Variants in TRIP12 observed in about 807,000 individuals in gnomAD.
TRIP12 encodes the protein E3 ubiquitin-protein ligase TRIP12.
In TRIP12, 25 loss-of-function variants were observed where a neutral mutation model predicts 244.2. The observed-to-expected ratio is 0.10, with a 90% CI of 0.07 to 0.14. The LOEUF is 0.14. Ranked by LOEUF, TRIP12 falls within the 10% of genes least tolerant of loss-of-function variation. The pLI, the probability that TRIP12 is intolerant of heterozygous loss-of-function variation, is 1.00. For missense variants in TRIP12, 1,677 were observed against 2,486.4 expected (o/e 0.67, Z 6.92); for synonymous variants, 905 against 873.1 (o/e 1.04, Z -0.64).
chr2:229,889,518 C>T (rs2066836190), intron 1 of TRIP12, among the ~76,000 whole-genome samples: 1 of 152,178 alleles, frequency 6.6e-6, no homozygotes, highest in Non-Finnish European at 1.5e-5. Flanking sequence ...AAATGGTGCA[C>T]AGACCCAATT....
chr2:229,771,381 T>G, intron 39 of TRIP12, 138 bp downstream of exon 39: 1 of 624,150 alleles, frequency 1.6e-6, no homozygotes, highest in South Asian at 2.2e-5. Flanking sequence ...TTCCTTGTCT[T>G]TCCCAAACAT....
chr2:229,836,325 T>C (rs1180154059), intron 6 of TRIP12, among the ~76,000 whole-genome samples: 1 of 152,188 alleles, frequency 6.6e-6, no homozygotes, highest in African/African-American at 2.4e-5. Context: ...GTTGAAGTAT[T>C]AGCCTTGTTT....
At chr2:229,878,606 C>G (rs1481702682) in intron 2 of TRIP12, among the ~76,000 whole-genome samples, 1 of 150,458 alleles carries the variant, frequency 6.6e-6, no homozygotes, top group Non-Finnish European at 1.5e-5. Context: ...GAGACGGAGT[C>G]TCGCTCTGTC....
At position 229,813,939 on chromosome 2, in the gene TRIP12, A is replaced by G; in HGVS notation, c.1917T>C (p.Ser639=). The change falls in exon 13 of 42, where the codon AGT becomes AGC. Residue 639 remains serine, a synonymous_variant. Coordinates refer to ENST00000675903, the MANE Select transcript of TRIP12 (RefSeq NM_001348323.3). ...ALAIAANCCQ[S]ITPDEFHFVA... ...CAAAATGAAATTCATCTGGCGTGAT[A>G]CTCTGGCAGCAATTAGCTGCAATTG... is the stretch of plus-strand genomic sequence containing the variant. 6.3e-7 allele frequency: 1 copy of G among 1,599,458 alleles called. No individual in the cohort carries two copies.
intron 8 of TRIP12, among the ~76,000 whole-genome samples, chr2:229,819,423 T>A (rs529501021): frequency 6.6e-6 from 1 of 152,298 alleles, no homozygotes; most frequent in South Asian, 2.1e-4. Flanking sequence ...TGTGCACCTG[T>A]AGTCCCAGAT....
chr2:229,804,753 G>A (rs1427669268), intron 18 of TRIP12, among the ~76,000 whole-genome samples: 2 of 152,120 alleles, frequency 1.3e-5, no homozygotes, highest in Non-Finnish European at 2.9e-5. Flanking sequence ...ACCGGTTTTT[G>A]TAAATATAAT....
At position 229,823,684 on chromosome 2, in the gene TRIP12, A is replaced by C. The variant is rs567022714; in HGVS notation, c.1451-5172T>G. Among the ~76,000 whole-genome samples the C allele has an allele frequency of 8.9e-4, 135 of 151,704 alleles. 1 individual carries two copies. The highest frequency in any genetic ancestry group is 8.1e-3 in the East Asian group (42 of 5,160). ...GAGGAGACTCTGTCTCAAAAAAAAA[A>C]AACAACAACAACAACAAAAAATAAG... On this transcript the variant is annotated intron_variant, in intron 8 of 41. Coordinates refer to ENST00000675903, the MANE Select transcript of TRIP12 (RefSeq NM_001348323.3).
At chr2:229,843,708 G>C (rs553609954) in intron 4 of TRIP12, among the ~76,000 whole-genome samples, 1 of 152,254 alleles carries the variant, frequency 6.6e-6, no homozygotes, top group African/African-American at 2.4e-5. Flanking sequence ...GTAAGACCCT[G>C]TGTCTCCACA....
chr2:229,901,734 C>A (rs2154370160), intron 1 of TRIP12, among the ~76,000 whole-genome samples: 1 of 152,228 alleles, frequency 6.6e-6, no homozygotes, highest in African/African-American at 2.4e-5. Flanking sequence ...AATATACACT[C>A]TACCAGGGTC....
At chr2:229,781,338 C>A (rs184861262) in intron 34 of TRIP12, among the ~76,000 whole-genome samples, 26 of 152,344 alleles carry the variant, frequency 1.7e-4, no homozygotes, top group East Asian at 1.3e-3. Context: ...AAAATGGAAT[C>A]TTTTTCTCTC....
chr2:229,801,165 T>A (rs773580863), intron 21 of TRIP12, among the ~76,000 whole-genome samples: 23 of 152,098 alleles, frequency 1.5e-4, no homozygotes, highest in Non-Finnish European at 2.6e-4. Flanking sequence ...AACTGCAGAA[T>A]CAGGGATGTG....
At chr2:229,804,950 G>C (rs2045465812) in intron 18 of TRIP12, among the ~76,000 whole-genome samples, 1 of 152,036 alleles carries the variant, frequency 6.6e-6, no homozygotes, top group African/African-American at 2.4e-5. Flanking sequence ...CTGTCACCCA[G>C]GCTGGAGTGT....
intron 2 of TRIP12, among the ~76,000 whole-genome samples, chr2:229,868,461 CCAA>C (rs2061951470): frequency 6.6e-6 from 1 of 152,136 alleles, no homozygotes; most frequent in South Asian, 2.1e-4. Context: ...CTTCAGCCTC[CCAA>C]AGTACTGACA....
At chr2:229,867,911 T>G (rs2061863301) in intron 2 of TRIP12, among the ~76,000 whole-genome samples, 1 of 152,156 alleles carries the variant, frequency 6.6e-6, no homozygotes. Flanking sequence ...CCCAAAAAAT[T>G]TAACACGGGT....
At chr2:229,824,268 T>G (rs1213092376) in intron 8 of TRIP12, among the ~76,000 whole-genome samples, 1 of 151,978 alleles carries the variant, frequency 6.6e-6, no homozygotes, top group Non-Finnish European at 1.5e-5. Flanking sequence ...CTAAAAAAAG[T>G]TAATATTAGA....
At position 229,813,877 on chromosome 2, in the gene TRIP12, G is replaced by A; in HGVS notation, c.1979C>T (p.Thr660Ile). 1 of 1,534,304 alleles carries A rather than the reference G, an allele frequency of 6.5e-7. No homozygotes were observed. Among genetic ancestry groups the A allele is most frequent in the Non-Finnish European group, 8.9e-7 (1 of 1,125,440 alleles). Residue 660 changes from threonine to isoleucine, a missense_variant, in exon 13 of 42, where the codon ACA becomes ATA. By Grantham distance (89) the Thr-to-Ile change is moderately conservative (BLOSUM62 -1). Coordinates refer to ENST00000675903, the MANE Select transcript of TRIP12 (RefSeq NM_001348323.3). ...DSLPLLTQRL[T>I]HQDKKSVEST... is the part of the protein sequence containing the mutation. Reference sequence around the variant, plus strand: ...AATAGATGCATATTTTACCTGATGTGTTAGCCTTTGGGTTAGCAATGGGAG... The same window carrying A: ...AATAGATGCATATTTTACCTGATGTATTAGCCTTTGGGTTAGCAATGGGAG...
rs1452822152 is a variant in TRIP12, at chr2:229,916,514, C to T, written c.-50+5366G>A. On this transcript the variant is annotated intron_variant, in intron 1 of 41. Transcript: ENST00000675903. ...AGGTTGCAGTGAGCCGAGATCGCGC[C>T]ACTGCACTCCAGCCTGGGTGACAAA... Among the ~76,000 whole-genome samples, 3 of 140,034 alleles carry T rather than the reference C, an allele frequency of 2.1e-5. No individual in the cohort carries two copies. The East Asian group carries it at 6.9e-4, about 32-fold the overall frequency. 91.9% of individuals were successfully genotyped at this position (140,034 alleles called of 152,430 possible).
At chr2:229,795,069 G>A in intron 26 of TRIP12, 110 bp downstream of exon 26, 1 of 1,284,748 alleles carries the variant, frequency 7.8e-7, no homozygotes. Flanking sequence ...CATTACAGCT[G>A]AATGTTTTCT....
chr2:229,887,511 T>C (rs1385681569), intron 1 of TRIP12, among the ~76,000 whole-genome samples: 1 of 152,112 alleles, frequency 6.6e-6, no homozygotes, highest in Non-Finnish European at 1.5e-5. Context: ...AGTAGAAAGC[T>C]ACCAAACAGA....
Sources: gnomAD v4.1 joint callset for allele counts (sites outside exome capture counted in the v4.1 genomes callset) on GRCh38, gnomAD v4.1.1 for gene constraint, MANE v1.5 for transcripts, NCBI Gene and HGNC (gene_info 2026-07-23, HGNC 2026-07-21) for gene names.